The following HMBOX1 variants were observed in gnomAD, a reference collection of about 807,000 sequenced individuals.
HMBOX1 encodes homeobox-containing protein 1.
HMBOX1 carries 14 observed loss-of-function variants against 54.5 expected under a neutral mutation model. The observed-to-expected ratio is 0.26, with a 90% CI of 0.17 to 0.40. The LOEUF is 0.40. Among genes scored for constraint, HMBOX1 ranks in the 10% least tolerant of loss-of-function variants. HMBOX1 has a pLI of 1.00. For synonymous variants in HMBOX1, 160 were observed against 181.0 expected, an observed-to-expected ratio of 0.88 and a Z score of 0.93; for missense variants, 332 against 514.4, an observed-to-expected ratio of 0.65 and a Z score of 3.43.
intron 1 of HMBOX1, among the ~76,000 whole-genome samples, chr8:28,911,965 A>G (rs1247251611): frequency 6.6e-6 from 1 of 152,150 alleles, no homozygotes; most frequent in African/African-American, 2.4e-5. Flanking sequence ...TATACTTCAT[A>G]TTTTGAATTT....
chr8:28,977,494 A>T (rs1477294457), intron 3 of HMBOX1, among the ~76,000 whole-genome samples: 1 of 152,186 alleles, frequency 6.6e-6, no homozygotes, highest in Non-Finnish European at 1.5e-5. Flanking sequence ...TCTCTTGTAC[A>T]CTGATTATTG....
At chr8:28,936,399 CATT>C (rs938451715) in intron 1 of HMBOX1, among the ~76,000 whole-genome samples, 8 of 151,792 alleles carry the variant, frequency 5.3e-5, no homozygotes, top group African/African-American at 1.5e-4. Context: ...AGTAATATAA[CATT>C]ATAAATATAT....
intron 4 of HMBOX1, among the ~76,000 whole-genome samples, chr8:29,001,903 T>C (rs1832732710): frequency 6.6e-6 from 1 of 152,250 alleles, no homozygotes; most frequent in African/African-American, 2.4e-5. Flanking sequence ...ATGTAAATGC[T>C]GACTGTCTAA....
chr8:29,034,490 T>C (rs73669465), intron 6 of HMBOX1, among the ~76,000 whole-genome samples: 141 of 152,360 alleles, frequency 9.3e-4, no homozygotes, highest in African/African-American at 3.3e-3. Flanking sequence ...AAGATAACTT[T>C]CCAGCTCTGT....
At chr8:28,920,838 G>T (rs1277879135) in intron 1 of HMBOX1, among the ~76,000 whole-genome samples, 1 of 152,126 alleles carries the variant, frequency 6.6e-6, no homozygotes, top group Non-Finnish European at 1.5e-5. Context: ...AGAAGCTAGG[G>T]TAAGTGAAAT....
At chr8:28,913,391 C>A (rs1257235320) in intron 1 of HMBOX1, among the ~76,000 whole-genome samples, 1 of 152,138 alleles carries the variant, frequency 6.6e-6, no homozygotes, top group Admixed American at 6.5e-5. Flanking sequence ...GCCTGTTACC[C>A]CACATGCTGT....
intron 1 of HMBOX1, among the ~76,000 whole-genome samples, chr8:28,931,813 T>C (rs146715808): frequency 1.3e-5 from 2 of 152,310 alleles, no homozygotes; most frequent in Non-Finnish European, 2.9e-5. Flanking sequence ...AGTGCTGGGA[T>C]TACAGGCGTG....
chr8:28,913,633 G>A (rs950960030), intron 1 of HMBOX1, among the ~76,000 whole-genome samples: 1 of 152,136 alleles, frequency 6.6e-6, no homozygotes, highest in African/African-American at 2.4e-5. Context: ...AAACTGCATA[G>A]GGTTAAGAAC....
chr8:29,051,153 T>C lies in HMBOX1; in HGVS notation c.1261T>C (p.Ter421ArgextTer9). ...CAAGACAGAGGCCCTGGATGATGAC[T>C]GATCAGGGAGGTTAAACATGACAAG... ...EIKTEALDDD[*>R] The change falls in exon 10 of 10, where the codon TGA (stop) becomes CGA (arginine). Residue 421 changes from the stop codon to arginine (R), a stop_lost. Transcript: ENST00000287701. 6.2e-7 allele frequency: 1 copy of C among 1,613,546 alleles called. No individual in the cohort carries two copies. The highest frequency in any genetic ancestry group is 1.7e-5 in the Admixed American group (1 of 59,858).
intron 1 of HMBOX1, among the ~76,000 whole-genome samples, chr8:28,927,746 A>G (rs558107022): frequency 2.7e-5 from 4 of 147,496 alleles, no homozygotes; most frequent in Admixed American, 7.0e-5. Context: ...ATAAAAAACT[A>G]CTACTCATTT....
intron 1 of HMBOX1, among the ~76,000 whole-genome samples, chr8:28,961,388 C>T (rs932080782): frequency 1.3e-5 from 2 of 152,044 alleles, no homozygotes; most frequent in African/African-American, 4.8e-5. Context: ...CCCATTTTAC[C>T]CACCATGCTA....
At chr8:28,911,448 C>T (rs1048440807) in intron 1 of HMBOX1, among the ~76,000 whole-genome samples, 1 of 152,188 alleles carries the variant, frequency 6.6e-6, no homozygotes, top group Admixed American at 6.5e-5. Context: ...CACTGCCTCC[C>T]GGGTTCAAGC....
intron 9 of HMBOX1, chr8:29,050,664 G>T (rs1056753473): frequency 4.7e-6 from 1 of 213,302 alleles, no homozygotes; most frequent in Admixed American, 5.2e-5. Flanking sequence ...GGCCTTCAGT[G>T]ATTAGTGCTA....
intron 6 of HMBOX1, among the ~76,000 whole-genome samples, chr8:29,043,339 A>T: frequency 6.6e-6 from 1 of 152,168 alleles, no homozygotes; most frequent in Non-Finnish European, 1.5e-5. Context: ...CATTCTCTAG[A>T]CCTAACTCAG....
rs144295766 is a variant in HMBOX1 at position 29,010,918 on chromosome 8, A to G, written c.697+1736A>G. On this transcript the variant is annotated intron_variant, in intron 5 of 9. Coordinates refer to ENST00000287701, the MANE Select transcript of HMBOX1 (RefSeq NM_001135726.3). ...TTTGACAGAATGTCCCACATGCTGG[A>G]TTTTTCTATTTACTTTTATTATCAA... is the stretch of plus-strand genomic sequence containing the variant. Among the ~76,000 whole-genome samples the G allele has an allele frequency of 1.2e-3, 187 of 152,218 alleles. 1 individual carries two copies. Among genetic ancestry groups the G allele is most frequent in the African/African-American group, 4.4e-3 (182 of 41,534 alleles).
At chr8:28,931,794 GC>G (rs1819514874) in intron 1 of HMBOX1, among the ~76,000 whole-genome samples, 1 of 152,146 alleles carries the variant, frequency 6.6e-6, no homozygotes, top group Admixed American at 6.5e-5. Context: ...TCCTGCCATG[GC>G]CTCCCAAAGT....
chr8:29,047,546 T>A, intron 8 of HMBOX1, 93 bp downstream of exon 8: 1 of 610,214 alleles, frequency 1.6e-6, no homozygotes, highest in South Asian at 1.9e-5. Context: ...ACTGCAAGTC[T>A]AAAGGATCCT....
Position 28,970,174 on chromosome 8 carries a change from G to A in HMBOX1, c.155G>A (p.Arg52His), listed in dbSNP as rs777042809. The A allele has an allele frequency of 9.3e-6, 15 of 1,614,022 alleles. No homozygotes were observed. The Admixed American group carries it at 1.3e-4, about 14-fold the overall frequency. The change falls in exon 3 of 10, where the codon CGT (arginine) becomes CAT (histidine). Residue 52 changes from arginine (R) to histidine (H), a missense_variant. Coordinates refer to ENST00000287701, the MANE Select transcript of HMBOX1 (RefSeq NM_001135726.3). This position sits in a 1 kb window ranked among gnomAD's most constrained non-coding sequence, Gnocchi z 4.3. The part of the protein sequence containing the change: ...EILHALETLD[R>H]LDQEHSDKFG... ...CTCCATGCCTTGGAAACTTTGGACCGTCTTGATCAAGAGCATAGTGACAAG... is the reference window on the plus strand; with the variant it reads ...CTCCATGCCTTGGAAACTTTGGACCATCTTGATCAAGAGCATAGTGACAAG...
At chr8:29,048,782 C>T (rs547730820) in intron 8 of HMBOX1, among the ~76,000 whole-genome samples, 172 bp from the exon 9 acceptor site, 4 of 152,324 alleles carry the variant, frequency 2.6e-5, no homozygotes, top group African/African-American at 9.6e-5. Context: ...CCCTGACCTA[C>T]ATGCAGTTGA....
Sources: gnomAD v4.1 joint callset for allele counts (sites outside exome capture counted in the v4.1 genomes callset) on GRCh38, gnomAD v4.1.1 for gene constraint, Gnocchi (gnomAD v3.1) non-coding constraint, MANE v1.5 for transcripts, NCBI Gene and HGNC (gene_info 2026-07-23, HGNC 2026-07-21) for gene names.